The following MINDY4 variants were observed in gnomAD, a reference collection of about 807,000 sequenced individuals.
MINDY4 encodes MINDY lysine 48 deubiquitinase 4.
A neutral mutation model predicts 87.0 loss-of-function variants in MINDY4; 68 were observed. The ratio of observed to expected loss-of-function variants is 0.78; its 90% CI spans 0.64 to 0.96. MINDY4 has a LOEUF of 0.96. MINDY4 is among the 40% of genes least tolerant of loss of function. The pLI, the probability that MINDY4 is intolerant of heterozygous loss-of-function variation, is 0.00. For missense variants in MINDY4, 919 were observed against 928.2 expected (o/e 0.99, Z 0.13); for synonymous variants, 379 against 363.2 (o/e 1.04, Z -0.50).
chr7:30,882,165 C>A lies in MINDY4; in HGVS notation c.1972-16C>A. 1 of 1,594,210 alleles carries A rather than the reference C, an allele frequency of 6.3e-7. No individual in the cohort carries two copies. On this transcript the variant is annotated splice_polypyrimidine_tract_variant and intron_variant, in intron 15 of 17. Coordinates refer to ENST00000265299, the MANE Select transcript of MINDY4 (RefSeq NM_032222.3). Reference sequence around the variant, plus strand: ...CCTGGGGACGGCATTTCACATCAGGCCTCTCCCTCATCCAGGTTGGCTGCT... The same window carrying A: ...CCTGGGGACGGCATTTCACATCAGGACTCTCCCTCATCCAGGTTGGCTGCT...
chr7:30,890,434 G>A (rs1790763569), intron 17 of MINDY4, among the ~76,000 whole-genome samples: 1 of 152,208 alleles, frequency 6.6e-6, no homozygotes, highest in Non-Finnish European at 1.5e-5. Context: ...TGGGCTGCAT[G>A]CAAATAACTT....
At chr7:30,837,168 A>G (rs1030760668) in intron 7 of MINDY4, among the ~76,000 whole-genome samples, 1 of 152,136 alleles carries the variant, frequency 6.6e-6, no homozygotes, top group African/African-American at 2.4e-5. Flanking sequence ...GGTGTTAACA[A>G]TTCTTCAGCA....
At position 30,782,426 on chromosome 7, in the gene MINDY4, G is replaced by T. The variant is rs139005271; in HGVS notation, c.419+214G>T. On this transcript the variant is annotated intron_variant, in intron 3 of 17. Transcript: ENST00000265299. The stretch of plus-strand genomic sequence containing the variant: ...TGTATACATAAAGAAGTTTGGCCAG[G>T]TGCAGTGGCTCACGCCTGTAATCCC... Among the ~76,000 whole-genome samples the T allele has an allele frequency of 4.6e-5, 7 of 152,166 alleles. No homozygotes were observed. In the East Asian group the frequency reaches 9.7e-4, roughly 21 times the overall value.
rs545064372 is a variant in MINDY4 at position 30,875,123 on chromosome 7, G to A, written c.1810-372G>A. Among the ~76,000 whole-genome samples the A allele has an allele frequency of 3.1e-4, 47 of 152,222 alleles. No homozygotes were observed. The South Asian group carries it at 8.5e-3, about 28-fold the overall frequency. ...TACAGCCCCAGCCACATCCTGCATT[G>A]AGTCAATGTGCAGACATGCACCTGA... On this transcript the variant is annotated intron_variant, in intron 14 of 17. Transcript: ENST00000265299.
intron 9 of MINDY4, among the ~76,000 whole-genome samples, chr7:30,841,458 C>T (rs961214715): frequency 1.3e-5 from 2 of 152,124 alleles, no homozygotes; most frequent in Non-Finnish European, 1.5e-5. Context: ...GATAGAAAAC[C>T]CCAATCCCAT....
chr7:30,810,929 A>G (rs1297816352), intron 5 of MINDY4, among the ~76,000 whole-genome samples: 1 of 152,178 alleles, frequency 6.6e-6, no homozygotes, highest in Non-Finnish European at 1.5e-5. Context: ...CCACATTTGA[A>G]AGAAAAAGTC....
At position 30,785,893 on chromosome 7, in the gene MINDY4, G is replaced by A. The variant is rs1446495797; in HGVS notation, c.564G>A (p.Glu188=). Residue 188 remains glutamate (E), a synonymous_variant, in exon 4 of 18, where the codon GAG becomes GAA. Transcript: ENST00000265299. ...AWEKIDKLHS[E]PSLDVKRMGE... Reference sequence around the variant, plus strand: ...AGAAGATAGACAAGCTTCACTCGGAGCCTTCCTTGGATGTGAAGAGGATGG... The same window carrying A: ...AGAAGATAGACAAGCTTCACTCGGAACCTTCCTTGGATGTGAAGAGGATGG... 2 of 1,614,102 alleles carry A rather than the reference G, an allele frequency of 1.2e-6. No homozygotes were observed. Among genetic ancestry groups the A allele is most frequent in the Non-Finnish European group, 1.7e-6 (2 of 1,180,050 alleles).
chr7:30,884,094 G>A lies in MINDY4; in HGVS notation c.2225+1101G>A, dbSNP rs548492210. 6.6e-5 allele frequency among the ~76,000 whole-genome samples: 10 copies of A among 152,284 alleles called. No homozygotes were observed. The South Asian group carries it at 1.5e-3, about 22-fold the overall frequency. ...CCTGTGAAATGGTTGGGGTTGTGAC[G>A]GGGGATGCAAAATGGTGAGGCCCTG... On this transcript the variant is annotated intron_variant, in intron 17 of 17. Transcript: ENST00000265299.
intron 5 of MINDY4, among the ~76,000 whole-genome samples, chr7:30,800,174 C>A (rs1049558664): frequency 6.6e-6 from 1 of 152,166 alleles, no homozygotes; most frequent in Admixed American, 6.5e-5. Context: ...CATGTCAGTT[C>A]TCATGGCTCC....
intron 5 of MINDY4, among the ~76,000 whole-genome samples, chr7:30,818,304 G>A (rs1290645050): frequency 6.6e-6 from 1 of 152,070 alleles, no homozygotes; most frequent in Non-Finnish European, 1.5e-5. Context: ...GGCTGATACA[G>A]TTGTCTATTT....
At chr7:30,810,710 A>C (rs1246707102) in intron 5 of MINDY4, among the ~76,000 whole-genome samples, 1 of 152,202 alleles carries the variant, frequency 6.6e-6, no homozygotes, top group Non-Finnish European at 1.5e-5. Flanking sequence ...ATATGTATAC[A>C]AAGTTTTATT....
chr7:30,873,396 T>A (rs951964904), intron 14 of MINDY4, among the ~76,000 whole-genome samples: 6 of 152,216 alleles, frequency 3.9e-5, no homozygotes, highest in Non-Finnish European at 7.3e-5. Context: ...TCTGTTTCAC[T>A]CACAATATGA....
intron 8 of MINDY4, among the ~76,000 whole-genome samples, chr7:30,840,347 C>T (rs569756374): frequency 1.3e-3 from 199 of 152,292 alleles, no homozygotes; most frequent in African/African-American, 4.3e-3. Context: ...CACTGCCAGC[C>T]GAGATGGTCA....
chr7:30,859,927 C>T (rs12674155), intron 13 of MINDY4, among the ~76,000 whole-genome samples: 5,735 of 152,258 alleles, frequency 0.038, 172 homozygotes, highest in East Asian at 0.11. Flanking sequence ...CCGGAGTTTC[C>T]CCATGAAGCT....
chr7:30,802,967 C>T (rs1787703510), intron 5 of MINDY4: 1 of 152,218 alleles, frequency 6.6e-6, no homozygotes, highest in African/African-American at 2.4e-5. Flanking sequence ...ACCAACCTAA[C>T]CAACCCGGCC....
At chr7:30,819,733 T>A (rs1489870266) in intron 5 of MINDY4, among the ~76,000 whole-genome samples, 1 of 152,114 alleles carries the variant, frequency 6.6e-6, no homozygotes, top group Non-Finnish European at 1.5e-5. Flanking sequence ...CTCTAATAAG[T>A]AAGTTTATCA....
At chr7:30,816,286 T>C (rs1163758474) in intron 5 of MINDY4, among the ~76,000 whole-genome samples, 1 of 145,432 alleles carries the variant, frequency 6.9e-6, no homozygotes, top group African/African-American at 2.7e-5. Flanking sequence ...AGAAAACTTC[T>C]GAGTCTGAGA....
intron 14 of MINDY4, among the ~76,000 whole-genome samples, chr7:30,874,892 G>A (rs1790212500): frequency 6.6e-6 from 1 of 152,150 alleles, no homozygotes; most frequent in South Asian, 2.1e-4. Context: ...TATCGTTGGG[G>A]GAAGCTGGGT....
At position 30,875,604 on chromosome 7, in the gene MINDY4, C is replaced by T. The variant is rs778109600; in HGVS notation, c.1919C>T (p.Ala640Val). The T allele has an allele frequency of 1.9e-6, 3 of 1,613,968 alleles. No individual in the cohort carries two copies. In the East Asian group the frequency reaches 6.7e-5, roughly 36 times the overall value. The change falls in exon 15 of 18, where the codon GCA (alanine) becomes GTA (valine). Residue 640 changes from alanine to valine, a missense_variant. Coordinates refer to ENST00000265299, the MANE Select transcript of MINDY4 (RefSeq NM_032222.3). ...ATCACACTTCTCAGAGGCATTGCTGCACGCAGTGATATTGGCTTCTTATCT... is the reference window on the plus strand; with the variant it reads ...ATCACACTTCTCAGAGGCATTGCTGTACGCAGTGATATTGGCTTCTTATCT... ...GNITLLRGIA[A>V]RSDIGFLSLF...
Sources: allele counts gnomAD v4.1 joint callset (sites outside exome capture counted in the v4.1 genomes callset), GRCh38; gene constraint gnomAD v4.1.1; transcripts MANE v1.5; gene names NCBI Gene and HGNC (gene_info 2026-07-23, HGNC 2026-07-21).